SELP: variants seen among roughly 807,000 people sequenced by gnomAD.
SELP encodes P-selectin.
SELP carries 92 observed loss-of-function variants against 104.1 expected under a neutral mutation model. The ratio of observed to expected loss-of-function variants is 0.88; its 90% CI spans 0.75 to 1.05. The LOEUF (loss-of-function observed/expected upper bound fraction) is 1.05. SELP is among the 50% of genes least tolerant of loss of function. SELP has a pLI of 0.00. For missense variants in SELP, 1,022 were observed against 1,017.3 expected (o/e 1.00, Z -0.06); for synonymous variants, 397 against 364.5 (o/e 1.09, Z -1.01).
intron 12 of SELP, among the ~76,000 whole-genome samples, chr1:169,595,198 A>G (rs1557945944): frequency 6.6e-6 from 1 of 152,184 alleles, no homozygotes; most frequent in Non-Finnish European, 1.5e-5. Flanking sequence ...CTGTTAGTCT[A>G]AATGTTATTA....
chr1:169,614,551 G>A (rs568871081), intron 3 of SELP, among the ~76,000 whole-genome samples: 1 of 152,296 alleles, frequency 6.6e-6, no homozygotes, highest in African/African-American at 2.4e-5. Flanking sequence ...ATAGTTGGGG[G>A]TAAGTTCTAT....
intron 7 of SELP, among the ~76,000 whole-genome samples, chr1:169,610,038 C>T (rs934805028): frequency 2.0e-5 from 3 of 152,066 alleles, no homozygotes; most frequent in Non-Finnish European, 2.9e-5. Flanking sequence ...GTGGTCTCCT[C>T]GAAGTTGGGC....
At chr1:169,610,749 A>G (rs1411692161) in intron 7 of SELP, among the ~76,000 whole-genome samples, 1 of 152,124 alleles carries the variant, frequency 6.6e-6, no homozygotes, top group African/African-American at 2.4e-5. Context: ...ACTGCACTTC[A>G]GCCTGGGCGA....
intron 3 of SELP, among the ~76,000 whole-genome samples, chr1:169,615,806 A>T (rs1335210109): frequency 6.6e-6 from 1 of 152,190 alleles, no homozygotes; most frequent in Non-Finnish European, 1.5e-5. Context: ...AAGAGGGACA[A>T]TGTAGAAGGC....
intron 10 of SELP, 139 bp from the exon 11 acceptor site, chr1:169,597,315 C>T (rs1661679489): frequency 2.9e-6 from 2 of 682,716 alleles, no homozygotes; most frequent in Non-Finnish European, 4.6e-6. Flanking sequence ...CAGCAGCATT[C>T]CACAACATAT....
At position 169,612,944 on chromosome 1, in the gene SELP, G is replaced by A; in HGVS notation, c.760C>T (p.Pro254Ser). 1.2e-6 allele frequency: 2 copies of A among 1,611,572 alleles called. No homozygotes were observed. The highest frequency in any genetic ancestry group is 1.7e-6 in the Non-Finnish European group (2 of 1,178,382). The change falls in exon 5 of 17, where the codon CCT becomes TCT. Residue 254 changes from proline to serine, a missense_variant. Transcript: ENST00000263686. ...GTCTACATACCTAAACACTGTGGAG[G>A]CTTATTTGTCCAGATTCCAGAAGCC... is the stretch of plus-strand genomic sequence containing the variant. ...CLASGIWTNK[P>S]PQCLAAQCPP...
chr1:169,615,104 A>G (rs1662740843), intron 3 of SELP, among the ~76,000 whole-genome samples: 1 of 152,236 alleles, frequency 6.6e-6, no homozygotes, highest in Non-Finnish European at 1.5e-5. Flanking sequence ...CAGGGAGAAG[A>G]TGATTTATTC....
chr1:169,594,574 A>G, intron 13 of SELP, 118 bp downstream of exon 13: 1 of 927,732 alleles, frequency 1.1e-6, no homozygotes, highest in Non-Finnish European at 1.6e-6. Flanking sequence ...ACACTTATTA[A>G]GCAGGGGGAA....
At position 169,617,246 on chromosome 1, in the gene SELP, G is replaced by A. The variant is rs1293111304; in HGVS notation, c.263C>T (p.Ser88Phe). Residue 88 changes from serine (S) to phenylalanine (F), a missense_variant, in exon 3 of 17, where the codon TCC (serine) becomes TTC (phenylalanine). Transcript: ENST00000263686. ...CTTTCGGATCCCAATCCAGTAGTAG[G>A]AGCTGTAGTAGGGTAGGACCTTATT... Reference protein sequence around the residue: ...YLNKVLPYYSSYYWIGIRKNN... With the variant: ...YLNKVLPYYSFYYWIGIRKNN... 3.1e-6 allele frequency: 5 copies of A among 1,613,982 alleles called. No individual in the cohort carries two copies. The highest frequency in any genetic ancestry group is 8.5e-7 in the Non-Finnish European group (1 of 1,180,022).
chr1:169,602,499 T>C (rs551094533), intron 10 of SELP, among the ~76,000 whole-genome samples: 1 of 152,374 alleles, frequency 6.6e-6, no homozygotes, highest in East Asian at 1.9e-4. Context: ...TTATTTAACC[T>C]CTTTAAGCTT....
chr1:169,609,428 T>A, intron 8 of SELP, 76 bp downstream of exon 8: 1 of 1,381,680 alleles, frequency 7.2e-7, no homozygotes, highest in Non-Finnish European at 9.9e-7. Context: ...AAGAAAGGCA[T>A]GCCAATGCTC....
chr1:169,594,446 C>A (rs879893368), intron 13 of SELP, among the ~76,000 whole-genome samples: 1 of 152,114 alleles, frequency 6.6e-6, no homozygotes, highest in Non-Finnish European at 1.5e-5. Flanking sequence ...TATAACGAAG[C>A]AAAAGGTTTC....
chr1:169,616,111 T>G (rs867978015), intron 3 of SELP, among the ~76,000 whole-genome samples: 52 of 152,172 alleles, frequency 3.4e-4, no homozygotes, highest in African/African-American at 1.2e-3. Context: ...GAATGTCTGC[T>G]TACTCTGGCA....
At chr1:169,605,152 C>T (rs1042291564) in intron 9 of SELP, among the ~76,000 whole-genome samples, 1 of 152,170 alleles carries the variant, frequency 6.6e-6, no homozygotes, top group Non-Finnish European at 1.5e-5. Flanking sequence ...CCCAGGCTTG[C>T]CTGTAAGAGT....
chr1:169,613,187 T>G, intron 4 of SELP, 73 bp from the exon 5 acceptor site: 2 of 1,374,914 alleles, frequency 1.5e-6, no homozygotes, highest in South Asian at 2.9e-5. Context: ...CTGAAAGCTG[T>G]AACTATTTGT....
chr1:169,597,299 G>T (rs1661678978), intron 10 of SELP, 123 bp from the exon 11 acceptor site: 3 of 851,972 alleles, frequency 3.5e-6, no homozygotes, highest in Admixed American at 6.4e-5. Context: ...CAGGTATTTT[G>T]CTAGGCAGCA....
chr1:169,590,399 C>T (rs578169031), intron 15 of SELP, among the ~76,000 whole-genome samples, 197 bp from the exon 16 acceptor site: 1 of 152,310 alleles, frequency 6.6e-6, no homozygotes, highest in African/African-American at 2.4e-5. Flanking sequence ...TTGCATTTTG[C>T]ACCCACACTA....
chr1:169,618,515 A>G (rs1258352702), intron 2 of SELP, among the ~76,000 whole-genome samples: 2 of 152,216 alleles, frequency 1.3e-5, no homozygotes, highest in Non-Finnish European at 2.9e-5. Context: ...GAAGAGGTGT[A>G]CAAAGCAAGC....
intron 1 of SELP, among the ~76,000 whole-genome samples, chr1:169,628,202 C>T (rs1663471403): frequency 6.6e-6 from 1 of 152,154 alleles, no homozygotes; most frequent in Admixed American, 6.6e-5. Flanking sequence ...GGCCATAGCC[C>T]GCTAAAACTT....
Sources: gnomAD v4.1 joint callset for allele counts (sites outside exome capture counted in the v4.1 genomes callset) on GRCh38, gnomAD v4.1.1 for gene constraint, MANE v1.5 for transcripts, NCBI Gene and HGNC (gene_info 2026-07-23, HGNC 2026-07-21) for gene names.